Variants in FGF14 observed in about 807,000 individuals in gnomAD.
The protein encoded by FGF14 is fibroblast growth factor homologous factor 4.
A neutral mutation model predicts 25.5 loss-of-function variants in FGF14; 5 were observed. The ratio of observed to expected loss-of-function variants is 0.20; its 90% CI spans 0.10 to 0.41. The LOEUF (loss-of-function observed/expected upper bound fraction) is 0.41, where lower values mean the gene tolerates loss of function less well. Among genes scored for constraint, FGF14 ranks in the 10% least tolerant of loss-of-function variants. FGF14 has a pLI of 1.00. For missense variants in FGF14, 222 were observed against 320.1 expected (o/e 0.69, Z 2.34); for synonymous variants, 138 against 118.3 (o/e 1.17, Z -1.08).
intron 1 of FGF14, among the ~76,000 whole-genome samples, chr13:102,080,022 A>G (rs538215605): frequency 5.8e-4 from 88 of 152,226 alleles, no homozygotes; most frequent in African/African-American, 1.9e-3. Context: ...TGGGAGATGC[A>G]TTCATGACGC....
intron 3 of FGF14, among the ~76,000 whole-genome samples, chr13:101,809,855 T>C (rs1046553386): frequency 2.6e-5 from 4 of 152,118 alleles, no homozygotes; most frequent in African/African-American, 9.7e-5. Flanking sequence ...TATAAGGTTT[T>C]TTTTCCATTA....
chr13:102,226,352 A>G (rs2050824338), intron 1 of FGF14, among the ~76,000 whole-genome samples: 1 of 152,224 alleles, frequency 6.6e-6, no homozygotes, highest in Non-Finnish European at 1.5e-5. Flanking sequence ...GACCAGGAAC[A>G]AAGAAAGAGC....
At chr13:101,743,096 T>C (rs780346421) in intron 3 of FGF14, among the ~76,000 whole-genome samples, 1 of 152,212 alleles carries the variant, frequency 6.6e-6, no homozygotes, top group Non-Finnish European at 1.5e-5. Flanking sequence ...CATACATACA[T>C]TGATTGATGT....
intron 1 of FGF14, among the ~76,000 whole-genome samples, chr13:102,049,588 G>T (rs1221416357): frequency 6.6e-6 from 1 of 152,002 alleles, no homozygotes; most frequent in African/African-American, 2.4e-5. Context: ...ATATATTAAG[G>T]TTCTAACCAC....
At chr13:102,311,919 T>C (rs542131275) in intron 1 of FGF14, among the ~76,000 whole-genome samples, 3 of 152,338 alleles carry the variant, frequency 2.0e-5, no homozygotes, top group East Asian at 1.9e-4. Flanking sequence ...AGTATCTCAA[T>C]GTTACTAGGG....
intron 1 of FGF14, among the ~76,000 whole-genome samples, chr13:102,186,544 C>T (rs1035196641): frequency 8.5e-5 from 13 of 152,230 alleles, no homozygotes; most frequent in African/African-American, 2.6e-4. Flanking sequence ...TGAATAAACA[C>T]ATTATTTCAC....
At chr13:102,043,892 G>C (rs1025037369) in intron 1 of FGF14, among the ~76,000 whole-genome samples, 3 of 152,172 alleles carry the variant, frequency 2.0e-5, no homozygotes, top group Admixed American at 6.5e-5. Context: ...CTAGCAACTG[G>C]ATTGTTGTCA....
chr13:102,155,169 G>C (rs1326204351), intron 1 of FGF14, among the ~76,000 whole-genome samples: 3 of 152,172 alleles, frequency 2.0e-5, no homozygotes, highest in Admixed American at 6.5e-5. Context: ...AGACCTAATA[G>C]ACAACTACAG....
At chr13:101,739,436 A>C (rs1024311182) in intron 3 of FGF14, among the ~76,000 whole-genome samples, 2 of 152,150 alleles carry the variant, frequency 1.3e-5, no homozygotes, top group East Asian at 3.9e-4. Flanking sequence ...AGGTTCTTAT[A>C]AGAAAAGGAA....
chr13:102,372,838 G>A (rs1353212822), intron 1 of FGF14, among the ~76,000 whole-genome samples: 3 of 152,070 alleles, frequency 2.0e-5, no homozygotes, highest in Non-Finnish European at 2.9e-5. Flanking sequence ...CTACAACGCA[G>A]GGGCTACTGT....
intron 3 of FGF14, among the ~76,000 whole-genome samples, chr13:101,834,100 A>G (rs1309267323): frequency 4.6e-5 from 7 of 152,062 alleles, no homozygotes; most frequent in Non-Finnish European, 8.8e-5. Context: ...AGACTGAAAA[A>G]ATGTGAAACA....
intron 1 of FGF14, among the ~76,000 whole-genome samples, chr13:102,164,606 G>A (rs990995877): frequency 6.6e-6 from 1 of 152,046 alleles, no homozygotes; most frequent in African/African-American, 2.4e-5. Flanking sequence ...AGAGACAAAG[G>A]CAAGAAAGGA....
intron 3 of FGF14, among the ~76,000 whole-genome samples, chr13:101,803,167 C>T (rs891207995): frequency 1.4e-5 from 2 of 146,364 alleles, no homozygotes; most frequent in African/African-American, 5.1e-5. Context: ...CCTTCTCTGT[C>T]ACCCAGGCTG....
intron 1 of FGF14, among the ~76,000 whole-genome samples, chr13:102,149,475 A>T (rs747552663): frequency 7.2e-5 from 11 of 152,244 alleles, no homozygotes; most frequent in Admixed American, 2.0e-4. Context: ...CATCACACTC[A>T]TGCAAGGACA....
chr13:102,055,685 C>A (rs1478214244), intron 1 of FGF14, among the ~76,000 whole-genome samples: 2 of 152,200 alleles, frequency 1.3e-5, no homozygotes, highest in African/African-American at 4.8e-5. Flanking sequence ...TCAGTGGGGG[C>A]ATAGCACAAC....
At chr13:101,870,107 T>C (rs571627113) in intron 2 of FGF14, among the ~76,000 whole-genome samples, 1 of 152,320 alleles carries the variant, frequency 6.6e-6, no homozygotes, top group South Asian at 2.1e-4. Context: ...TAAACTAATA[T>C]CAGATTTTCT....
In FGF14 at chr13:102,340,929, T is replaced by A. The variant is rs147493753; in HGVS notation, c.208+60542A>T. On this transcript the variant is annotated intron_variant, in intron 1 of 4. Coordinates refer to the FGF14 transcript ENST00000376131. ...ACTATCTGCTCATCACTGAATTTGA[T>A]GCTGAGATTTTTATTAAGTAAAATA... Among the ~76,000 whole-genome samples, 519 of 152,330 alleles carry A rather than the reference T, an allele frequency of 3.4e-3. 1 individual carries two copies. The highest frequency in any genetic ancestry group is 0.012 in the African/African-American group (487 of 41,586).
intron 1 of FGF14, among the ~76,000 whole-genome samples, chr13:102,156,657 C>A (rs1244965913): frequency 6.6e-6 from 1 of 152,132 alleles, no homozygotes; most frequent in Non-Finnish European, 1.5e-5. Context: ...GAAGTTCTGG[C>A]CAGGGCAATT....
intron 3 of FGF14, among the ~76,000 whole-genome samples, chr13:101,838,408 T>C (rs1477007756): frequency 1.3e-5 from 2 of 152,002 alleles, no homozygotes; most frequent in Non-Finnish European, 2.9e-5. Flanking sequence ...GCTCCATCCT[T>C]GACAAAGATT....
Sources: allele counts gnomAD v4.1 joint callset (sites outside exome capture counted in the v4.1 genomes callset), GRCh38; gene constraint gnomAD v4.1.1; transcripts MANE v1.5; gene names NCBI Gene and HGNC (gene_info 2026-07-23, HGNC 2026-07-21).